Variants in ASTN2 observed in about 807,000 individuals in gnomAD.
ASTN2 encodes the protein astrotactin-2.
ASTN2 carries 54 observed loss-of-function variants against 139.8 expected under a neutral mutation model. The observed-to-expected ratio is 0.39, with a 90% CI of 0.31 to 0.48. The LOEUF (loss-of-function observed/expected upper bound fraction) is 0.48, where lower values mean the gene tolerates loss of function less well. ASTN2 is among the 20% of genes least tolerant of loss of function. The pLI, the probability that ASTN2 is intolerant of heterozygous loss-of-function variation, is 0.95. For missense variants in ASTN2, 1,565 were observed against 1,725.1 expected (o/e 0.91, Z 1.64); for synonymous variants, 756 against 719.5 (o/e 1.05, Z -0.81).
At chr9:116,938,455 A>C (rs1835135006) in intron 10 of ASTN2, among the ~76,000 whole-genome samples, 1 of 152,164 alleles carries the variant, frequency 6.6e-6, no homozygotes, top group South Asian at 2.1e-4. Context: ...TTGGTCCACA[A>C]GGAGCACTGA....
chr9:116,427,799 C>T (rs1847355976), intron 22 of ASTN2, among the ~76,000 whole-genome samples: 1 of 152,264 alleles, frequency 6.6e-6, no homozygotes, highest in Non-Finnish European at 1.5e-5. Flanking sequence ...CATAACCACA[C>T]TCTATCCACA....
At chr9:116,538,242 G>C (rs916918027) in intron 19 of ASTN2, among the ~76,000 whole-genome samples, 8 of 150,426 alleles carry the variant, frequency 5.3e-5, no homozygotes, top group African/African-American at 2.0e-4. Context: ...GGGAGAAAAA[G>C]AAAGAATGAA....
At chr9:117,183,391 A>C (rs1351490011) in intron 3 of ASTN2, among the ~76,000 whole-genome samples, 1 of 152,224 alleles carries the variant, frequency 6.6e-6, no homozygotes, top group Non-Finnish European at 1.5e-5. Context: ...ATAATAACTA[A>C]CATTAATTGA....
At chr9:116,448,565 C>T (rs1017682052) in intron 20 of ASTN2, among the ~76,000 whole-genome samples, 1 of 152,134 alleles carries the variant, frequency 6.6e-6, no homozygotes, top group Non-Finnish European at 1.5e-5. Context: ...CACTGGATTC[C>T]GTGGCAAACA....
chr9:116,511,680 A>C (rs1850388128), intron 19 of ASTN2, among the ~76,000 whole-genome samples: 1 of 152,088 alleles, frequency 6.6e-6, no homozygotes, highest in Non-Finnish European at 1.5e-5. Flanking sequence ...TGAATTTCAG[A>C]GCCTGTGATT....
chr9:116,801,585 C>CAAAAAAAAAAAAAAAAAAAAAAAAAA (rs397893932), intron 13 of ASTN2, among the ~76,000 whole-genome samples: 10 of 60,372 alleles, frequency 1.7e-4, no homozygotes, highest in Admixed American at 2.7e-4. Flanking sequence ...GGCTCTGTCT[C>CAAAAAAAAAAAAAAAAAAAAAAAAAA]AAAAAAAAAA....
chr9:116,671,946 G>T (rs1042061334), intron 16 of ASTN2, among the ~76,000 whole-genome samples: 1 of 152,300 alleles, frequency 6.6e-6, no homozygotes, highest in South Asian at 2.1e-4. Flanking sequence ...GATAACCTGT[G>T]CTTGGATTCC....
chr9:116,536,452 C>T (rs1054679627), intron 19 of ASTN2, among the ~76,000 whole-genome samples: 3 of 152,160 alleles, frequency 2.0e-5, no homozygotes, highest in African/African-American at 7.2e-5. Flanking sequence ...GAATTTTCAG[C>T]TTTTCTGCTC....
At chr9:116,594,856 T>C (rs182023393) in intron 19 of ASTN2, among the ~76,000 whole-genome samples, 2 of 152,314 alleles carry the variant, frequency 1.3e-5, no homozygotes, top group East Asian at 3.9e-4. Context: ...GCTCCTAGCA[T>C]GGTCCCCATA....
At chr9:117,185,266 A>T (rs1831168769) in intron 3 of ASTN2, among the ~76,000 whole-genome samples, 1 of 152,238 alleles carries the variant, frequency 6.6e-6, no homozygotes, top group African/African-American at 2.4e-5. Context: ...AAAATGAAGA[A>T]TCATTTAGGA....
chr9:117,060,432 AAG>A (rs1554774088), intron 5 of ASTN2, among the ~76,000 whole-genome samples: 3 of 52,650 alleles, frequency 5.7e-5, no homozygotes, highest in Admixed American at 2.6e-4. Flanking sequence ...GGAAGGAAGG[AAG>A]AGAGAGAGAG....
intron 16 of ASTN2, among the ~76,000 whole-genome samples, chr9:116,656,359 G>C (rs953675923): frequency 3.9e-5 from 6 of 152,074 alleles, no homozygotes; most frequent in Non-Finnish European, 1.5e-5. Context: ...TAATCAAAAG[G>C]TCAACAGATG....
chr9:116,670,690 G>A (rs1228487772), intron 16 of ASTN2, among the ~76,000 whole-genome samples: 2 of 152,118 alleles, frequency 1.3e-5, no homozygotes, highest in Non-Finnish European at 2.9e-5. Context: ...AAGAGGAGCA[G>A]GAGATCTGGG....
At chr9:116,965,841 A>G (rs906874711) in intron 10 of ASTN2, among the ~76,000 whole-genome samples, 79 of 152,304 alleles carry the variant, frequency 5.2e-4, no homozygotes, top group African/African-American at 1.9e-3. Flanking sequence ...TCAGAAGTCT[A>G]TGTTCAAATT....
intron 1 of ASTN2, among the ~76,000 whole-genome samples, chr9:117,379,552 C>T (rs1460178034): frequency 6.6e-6 from 1 of 152,142 alleles, no homozygotes; most frequent in African/African-American, 2.4e-5. Context: ...GTAAATGTTT[C>T]TCTTGGGAGG....
At chr9:117,059,276 T>C (rs114216235) in intron 5 of ASTN2, among the ~76,000 whole-genome samples, 109 of 152,320 alleles carry the variant, frequency 7.2e-4, no homozygotes, top group African/African-American at 2.4e-3. Flanking sequence ...CCAGACAGAA[T>C]GTCTTCAACA....
At chr9:117,331,767 A>G (rs775584117) in intron 1 of ASTN2, among the ~76,000 whole-genome samples, 20 of 152,214 alleles carry the variant, frequency 1.3e-4, no homozygotes, top group Non-Finnish European at 2.6e-4. Context: ...TTTAAAAACC[A>G]AAAACGAAGT....
At position 116,499,813 on chromosome 9, in the gene ASTN2, G is replaced by T. The variant is rs73657144; in HGVS notation, c.3356-12313C>A. ...AGGCCACTGGGTCTTATGTAAAAGAGTACTGAGTAGAGATTCAGGGGACTG... is the reference window on the plus strand; with the variant it reads ...AGGCCACTGGGTCTTATGTAAAAGATTACTGAGTAGAGATTCAGGGGACTG... On this transcript the variant is annotated intron_variant, in intron 19 of 22. Transcript: ENST00000313400. 4.9e-4 allele frequency among the ~76,000 whole-genome samples: 74 copies of T among 152,154 alleles called. 1 individual carries two copies. Among genetic ancestry groups the T allele is most frequent in the African/African-American group, 1.8e-3 (73 of 41,492 alleles).
At chr9:116,982,090 T>C (rs1327693467) in intron 7 of ASTN2, among the ~76,000 whole-genome samples, 1 of 152,224 alleles carries the variant, frequency 6.6e-6, no homozygotes, top group African/African-American at 2.4e-5. Context: ...TCATCTCCTG[T>C]GAGGCTCTTC....
Sources: gnomAD v4.1 joint callset for allele counts (sites outside exome capture counted in the v4.1 genomes callset) on GRCh38, gnomAD v4.1.1 for gene constraint, MANE v1.5 for transcripts, NCBI Gene and HGNC (gene_info 2026-07-23, HGNC 2026-07-21) for gene names.